NEURL1: variants seen among roughly 807,000 people sequenced by gnomAD.
NEURL1 encodes E3 ubiquitin-protein ligase NEURL1.
Under a neutral mutation model 41.2 loss-of-function variants are expected in NEURL1, and 26 were observed. That is an observed-to-expected ratio of 0.63 (90% CI 0.46 to 0.87). The LOEUF (loss-of-function observed/expected upper bound fraction) is 0.87, where lower values mean the gene tolerates loss of function less well. NEURL1 is among the 40% of genes least tolerant of loss of function. The probability of loss-of-function intolerance (pLI) is 0.00; values close to 1 mark genes in which losing one functional copy is unlikely to be tolerated. For missense variants in NEURL1, 761 were observed against 871.1 expected, an observed-to-expected ratio of 0.87 and a Z score of 1.59; for synonymous variants, 400 against 402.3, an observed-to-expected ratio of 0.99 and a Z score of 0.07.
rs532422319 is a variant in NEURL1 at position 103,555,899 on chromosome 10, C to T, written c.86-14973C>T. Reference sequence around the variant, plus strand: ...GGTGCTGTGTTCTATGCTGGAGCCCCGCAAAGACATGTGGGCACCCACATG... The same window carrying T: ...GGTGCTGTGTTCTATGCTGGAGCCCTGCAAAGACATGTGGGCACCCACATG... On this transcript the variant is annotated intron_variant, in intron 1 of 5. Transcript: ENST00000369780. 2.1e-4 allele frequency among the ~76,000 whole-genome samples: 32 copies of T among 152,282 alleles called. No homozygotes were observed. In the East Asian group the frequency reaches 3.3e-3, roughly 16 times the overall value.
intron 1 of NEURL1, among the ~76,000 whole-genome samples, chr10:103,513,330 C>T (rs1321004106): frequency 6.6e-6 from 1 of 152,226 alleles, no homozygotes; most frequent in Admixed American, 6.5e-5. Flanking sequence ...GGAACTGGGC[C>T]GTGGCAGGGA....
In NEURL1 at chr10:103,517,477, G is replaced by T. The variant is rs115487883; in HGVS notation, c.85+23005G>T. The T allele has an allele frequency of 1.4e-3, 211 of 152,408 alleles. 1 individual carries two copies. The highest frequency in any genetic ancestry group is 5.0e-3 in the African/African-American group (207 of 41,580). 9.4% of individuals were successfully genotyped at this position (152,408 alleles called of 1,614,324 possible). ...CTCAACACAATGGCTTTGTGAGCTAGGAGCTAGGTGGGTCAGCCTGAGGGG... is the reference window on the plus strand; with the variant it reads ...CTCAACACAATGGCTTTGTGAGCTATGAGCTAGGTGGGTCAGCCTGAGGGG... On this transcript the variant is annotated intron_variant, in intron 1 of 5. Transcript: ENST00000369780.
In NEURL1 at chr10:103,590,536, T is replaced by G. The variant is rs2036019186; in HGVS notation, c.*164T>G. 1 of 623,020 alleles carries G rather than the reference T, an allele frequency of 1.6e-6. No homozygotes were observed. Among genetic ancestry groups the G allele is most frequent in the Non-Finnish European group, 2.8e-6 (1 of 354,996 alleles). The allele number at this position is 623,020 out of a possible 1,614,324, so 38.6% of individuals were successfully genotyped here. A position where few individuals can be genotyped will look rare whatever the true frequency, so the allele number is the denominator to read the frequency against. On this transcript the variant is annotated 3_prime_UTR_variant, in exon 6 of 6. Coordinates refer to ENST00000369780, the MANE Select transcript of NEURL1 (RefSeq NM_004210.5). ...CCTTGAAGGTTTGGGGAGAGGGGGGTATCAGGCAGGGAGGGGGCAGAGGCA... is the reference window on the plus strand; with the variant it reads ...CCTTGAAGGTTTGGGGAGAGGGGGGGATCAGGCAGGGAGGGGGCAGAGGCA...
At chr10:103,567,706 G>A (rs2035455723) in intron 1 of NEURL1, among the ~76,000 whole-genome samples, 1 of 152,180 alleles carries the variant, frequency 6.6e-6, no homozygotes, top group Non-Finnish European at 1.5e-5. Flanking sequence ...GCCTCTTAAT[G>A]CTTAATGGCC....
intron 1 of NEURL1, among the ~76,000 whole-genome samples, chr10:103,503,959 T>TTTTTTTTATTTA (rs375127429): frequency 1.6e-4 from 22 of 136,042 alleles, no homozygotes; most frequent in Non-Finnish European, 3.3e-4. Flanking sequence ...CTGGCTAGTA[T>TTTTTTTTATTTA]TTTATTTATT....
At chr10:103,527,650 AT>A (rs1366038251) in intron 1 of NEURL1, among the ~76,000 whole-genome samples, 2 of 151,994 alleles carry the variant, frequency 1.3e-5, no homozygotes, top group Non-Finnish European at 2.9e-5. Context: ...GTGATTCCCT[AT>A]CTCATCCTGT....
At chr10:103,571,996 C>T (rs984963271) in intron 3 of NEURL1, among the ~76,000 whole-genome samples, 174 bp downstream of exon 3, 1 of 152,186 alleles carries the variant, frequency 6.6e-6, no homozygotes, top group Non-Finnish European at 1.5e-5. Context: ...CTCCTTTCCT[C>T]CAGGCCCGTG....
intron 1 of NEURL1, among the ~76,000 whole-genome samples, chr10:103,570,612 G>A (rs565458795): frequency 1.3e-5 from 2 of 149,404 alleles, no homozygotes; most frequent in Non-Finnish European, 3.0e-5. Context: ...AGGTGGGAGA[G>A]GGTGGGGGTG....
intron 1 of NEURL1, chr10:103,551,075 T>C (rs1175269493): frequency 1.3e-5 from 2 of 152,142 alleles, no homozygotes; most frequent in Non-Finnish European, 2.9e-5. Context: ...AAGAACCTGA[T>C]TCCTCAATCC....
intron 1 of NEURL1, among the ~76,000 whole-genome samples, chr10:103,527,356 A>G (rs921057975): frequency 3.4e-5 from 5 of 147,686 alleles, no homozygotes; most frequent in Non-Finnish European, 7.4e-5. Context: ...GTGCCCTGAC[A>G]CAATCTTGGC....
chr10:103,589,390 C>A, intron 4 of NEURL1, 124 bp from the exon 5 acceptor site: 1 of 1,092,768 alleles, frequency 9.2e-7, no homozygotes, highest in Non-Finnish European at 1.3e-6. Context: ...CTGCAAAATC[C>A]CGCTCTTGGC....
chr10:103,510,112 C>T (rs566338642), intron 1 of NEURL1, among the ~76,000 whole-genome samples: 107 of 152,182 alleles, frequency 7.0e-4, no homozygotes, highest in Non-Finnish European at 1.4e-3. Flanking sequence ...ATGAAGGGGC[C>T]GGTAGAGCAA....
Position 103,590,528 on chromosome 10 carries a change from GA to G in NEURL1, c.*157del. The G allele has an allele frequency of 1.6e-6, 1 of 639,026 alleles. No homozygotes were observed. The highest frequency in any genetic ancestry group is 2.7e-6 in the Non-Finnish European group (1 of 366,938). The allele number at this position is 639,026 out of a possible 1,614,324, so 39.6% of individuals were successfully genotyped here. A position where few individuals can be genotyped will look rare whatever the true frequency, so the allele number is the denominator to read the frequency against. On this transcript the variant is annotated 3_prime_UTR_variant, in exon 6 of 6. Coordinates refer to ENST00000369780, the MANE Select transcript of NEURL1 (RefSeq NM_004210.5). ...ACTGAAGCCCTTGAAGGTTTGGGGA[GA>G]GGGGGGTATCAGGCAGGGAGGGGGC...
chr10:103,523,114 T>C (rs1036756252), intron 1 of NEURL1, among the ~76,000 whole-genome samples: 5 of 152,164 alleles, frequency 3.3e-5, no homozygotes, highest in African/African-American at 9.7e-5. Context: ...CAAACACTTA[T>C]CATTTCTTTG....
chr10:103,573,829 C>T (rs2133878992), intron 3 of NEURL1, among the ~76,000 whole-genome samples: 1 of 152,336 alleles, frequency 6.6e-6, no homozygotes, highest in East Asian at 1.9e-4. Flanking sequence ...CCCACTCTGG[C>T]TTCAAGGCCA....
Position 103,508,634 on chromosome 10 carries a change from C to A in NEURL1, c.85+14162C>A, listed in dbSNP as rs780252578. The stretch of plus-strand genomic sequence containing the variant: ...AGGGGTTTTCCCTTTCTGAGGCTGG[C>A]GTTTGCAGATCTGTGGGACTGAGGA... On this transcript the variant is annotated intron_variant, in intron 1 of 5. Transcript: ENST00000369780. The surrounding 1 kb of genome is among the most constrained non-coding windows in gnomAD (Gnocchi z 4.3). Among the ~76,000 whole-genome samples, 2 of 152,142 alleles carry A rather than the reference C, an allele frequency of 1.3e-5. No homozygotes were observed. The highest frequency in any genetic ancestry group is 2.4e-5 in the African/African-American group (1 of 41,430).
intron 3 of NEURL1, among the ~76,000 whole-genome samples, chr10:103,577,038 G>A (rs1356085391): frequency 6.6e-6 from 1 of 152,208 alleles, no homozygotes; most frequent in Non-Finnish European, 1.5e-5. Flanking sequence ...CTCAGCTGTG[G>A]CTGCTAGGGG....
At chr10:103,549,481 T>C (rs2034990765) in intron 1 of NEURL1, among the ~76,000 whole-genome samples, 1 of 152,194 alleles carries the variant, frequency 6.6e-6, no homozygotes, top group Non-Finnish European at 1.5e-5. Context: ...CCTCCACTCT[T>C]GTCCTGGCTC....
intron 1 of NEURL1, among the ~76,000 whole-genome samples, chr10:103,552,547 C>T (rs74154538): frequency 0.052 from 7,878 of 152,280 alleles, 329 homozygotes; most frequent in African/African-American, 0.12. Context: ...TGTCCTGAGC[C>T]TCCCAGAACC....
Sources: gnomAD v4.1 joint callset for allele counts (sites outside exome capture counted in the v4.1 genomes callset) on GRCh38, gnomAD v4.1.1 for gene constraint, Gnocchi (gnomAD v3.1) non-coding constraint, MANE v1.5 for transcripts, NCBI Gene and HGNC (gene_info 2026-07-23, HGNC 2026-07-21) for gene names.